Variants in RIC8B observed in about 807,000 individuals in gnomAD.
RIC8B encodes the protein chaperone Ric-8B.
A neutral mutation model predicts 57.5 loss-of-function variants in RIC8B; 16 were observed. The ratio of observed to expected loss-of-function variants is 0.28; its 90% confidence interval spans 0.19 to 0.42. The LOEUF (loss-of-function observed/expected upper bound fraction) is 0.42. Ranked by LOEUF, RIC8B falls within the 10% of genes least tolerant of loss-of-function variation. The pLI is 1.00. For missense variants in RIC8B, 481 were observed against 677.0 expected (o/e 0.71, Z 3.21); for synonymous variants, 216 against 250.8 (o/e 0.86, Z 1.31).
intron 2 of RIC8B, among the ~76,000 whole-genome samples, chr12:106,792,441 A>T (rs117754644): frequency 0.012 from 1,903 of 152,294 alleles, 18 homozygotes; most frequent in Non-Finnish European, 0.02. Flanking sequence ...TCTGATTTGT[A>T]CTTTAGAGTT....
At chr12:106,825,325 G>C (rs2046046801) in intron 3 of RIC8B, among the ~76,000 whole-genome samples, 1 of 152,156 alleles carries the variant, frequency 6.6e-6, no homozygotes, top group African/African-American at 2.4e-5. Context: ...TGAAAGTTAA[G>C]AGATGAGACA....
rs1404954860 is a variant in RIC8B, at chr12:106,867,974, T to C, written c.1452-2849T>C. On this transcript the variant is annotated intron_variant, in intron 8 of 9. Transcript: ENST00000392837. The surrounding 1 kb of genome is among the most constrained non-coding windows in gnomAD (Gnocchi z 4.3). ...AGAATGAATTTCTGCCTTCTGCTTT[T>C]ATACTCAGATAGCAAGAATTGTGTT... Among the ~76,000 whole-genome samples, 3 of 152,222 alleles carry C rather than the reference T, an allele frequency of 2.0e-5. No individual in the cohort carries two copies. The highest frequency in any genetic ancestry group is 7.2e-5 in the African/African-American group (3 of 41,474).
At chr12:106,822,095 A>G (rs1226231462) in intron 3 of RIC8B, among the ~76,000 whole-genome samples, 1 of 150,526 alleles carries the variant, frequency 6.6e-6, no homozygotes, top group African/African-American at 2.4e-5. Flanking sequence ...AAAAAAAAAA[A>G]AAAAAAGAAG....
chr12:106,869,688 C>T (rs1414489071), intron 8 of RIC8B, among the ~76,000 whole-genome samples: 2 of 152,084 alleles, frequency 1.3e-5, no homozygotes, highest in African/African-American at 4.8e-5. Context: ...GGCTCTAATC[C>T]CAGCACTTCA....
At chr12:106,776,874 C>A (rs562375682) in intron 1 of RIC8B, among the ~76,000 whole-genome samples, 28 of 152,196 alleles carry the variant, frequency 1.8e-4, no homozygotes, top group Non-Finnish European at 4.0e-4. Context: ...GAAGAAAGCG[C>A]TCCCTTCTTT....
chr12:106,790,833 CAA>C (rs1480202217), intron 2 of RIC8B, among the ~76,000 whole-genome samples: 1 of 152,058 alleles, frequency 6.6e-6, no homozygotes, highest in Non-Finnish European at 1.5e-5. Context: ...TAATTTTCCT[CAA>C]AAGAGTAAAG....
chr12:106,828,218 T>G (rs1426274378), intron 4 of RIC8B, among the ~76,000 whole-genome samples: 3 of 152,196 alleles, frequency 2.0e-5, no homozygotes, highest in Non-Finnish European at 4.4e-5. Flanking sequence ...CCTGGGAGAT[T>G]GAGGTTGCTG....
chr12:106,831,903 A>G (rs774260093), intron 4 of RIC8B, among the ~76,000 whole-genome samples: 8 of 152,270 alleles, frequency 5.3e-5, no homozygotes, highest in Non-Finnish European at 1.2e-4. Context: ...CATGGCATGG[A>G]GCCACTTCCT....
chr12:106,868,481 T>C (rs1051598850), intron 8 of RIC8B: 1 of 344,852 alleles, frequency 2.9e-6, no homozygotes, highest in Non-Finnish European at 5.8e-6. Context: ...TTTTCTAATT[T>C]AACAGGTGGC....
At chr12:106,807,344 T>C (rs1011457276) in intron 2 of RIC8B, among the ~76,000 whole-genome samples, 2 of 152,264 alleles carry the variant, frequency 1.3e-5, no homozygotes, top group African/African-American at 4.8e-5. Flanking sequence ...AGTTCTGAGA[T>C]AATCATTCAG....
chr12:106,857,004 T>G (rs757784166), intron 7 of RIC8B, among the ~76,000 whole-genome samples: 1 of 152,106 alleles, frequency 6.6e-6, no homozygotes, highest in African/African-American at 2.4e-5. Flanking sequence ...CTTGAATGTA[T>G]AGAAAAGAGA....
intron 4 of RIC8B, among the ~76,000 whole-genome samples, chr12:106,826,386 T>C (rs2046099756): frequency 1.3e-5 from 2 of 152,222 alleles, no homozygotes; most frequent in African/African-American, 2.4e-5. Context: ...TACCAAAAAG[T>C]ATATATTTTG....
intron 9 of RIC8B, among the ~76,000 whole-genome samples, chr12:106,878,624 T>TAA (rs1330195060): frequency 6.6e-6 from 1 of 152,180 alleles, no homozygotes; most frequent in Non-Finnish European, 1.5e-5. Context: ...TCAGGATTCT[T>TAA]TTTTCCAAGT....
At chr12:106,792,886 A>T (rs746405636) in intron 2 of RIC8B, among the ~76,000 whole-genome samples, 6 of 152,206 alleles carry the variant, frequency 3.9e-5, no homozygotes, top group Non-Finnish European at 7.3e-5. Context: ...GCTAAGTGAG[A>T]TAGAACTCTT....
intron 4 of RIC8B, among the ~76,000 whole-genome samples, chr12:106,829,695 A>G (rs2046271523): frequency 6.6e-6 from 1 of 152,132 alleles, no homozygotes; most frequent in Admixed American, 6.6e-5. Flanking sequence ...GGTTCTATTT[A>G]TAATGTGCAA....
intron 9 of RIC8B, chr12:106,874,672 T>A: frequency 1.1e-6 from 1 of 875,100 alleles, no homozygotes; most frequent in South Asian, 1.7e-5. Context: ...TACATTTCTA[T>A]TTTGCCTCCA....
At chr12:106,841,831 A>G (rs146503946) in intron 4 of RIC8B, among the ~76,000 whole-genome samples, 148 of 152,276 alleles carry the variant, frequency 9.7e-4, no homozygotes, top group Admixed American at 6.4e-3. Context: ...TGTTAGTGTC[A>G]TTTTAATCTT....
In RIC8B at chr12:106,784,040, G is replaced by C. The variant is rs2043886211; in HGVS notation, c.128G>C (p.Arg43Thr). The change falls in exon 2 of 10, where the codon AGA becomes ACA. Residue 43 changes from arginine to threonine, a missense_variant. Around this residue, in one of 3 missense-constraint regions of RIC8B, gnomAD observed 421 missense variants for 560.9 expected, o/e 0.75. Coordinates refer to ENST00000392837, the MANE Select transcript of RIC8B (RefSeq NM_001330145.2). ...FKFESTDEDK[R>T]KKLCEGIFKV... ...TTTGAATCAACAGATGAAGATAAAA[G>C]AAAGGTAAGCCTTGGTGTTGCTCTG... is the stretch of plus-strand genomic sequence containing the variant. 1 of 1,613,564 alleles carries C rather than the reference G, an allele frequency of 6.2e-7. No homozygotes were observed. Among genetic ancestry groups the C allele is most frequent in the African/African-American group, 1.3e-5 (1 of 74,892 alleles).
intron 6 of RIC8B, among the ~76,000 whole-genome samples, chr12:106,848,330 C>A (rs1949299942): frequency 1.3e-5 from 2 of 152,156 alleles, no homozygotes; most frequent in East Asian, 3.8e-4. Context: ...TAGCAGGAAG[C>A]CAGATTATGT....
Sources: gnomAD v4.1 joint callset for allele counts (sites outside exome capture counted in the v4.1 genomes callset) on GRCh38, gnomAD v4.1.1 for gene constraint, gnomAD v4.1.1 regional missense constraint, Gnocchi (gnomAD v3.1) non-coding constraint, MANE v1.5 for transcripts, NCBI Gene and HGNC (gene_info 2026-07-23, HGNC 2026-07-21) for gene names.